Variants in ATOH8 observed in about 807,000 individuals in gnomAD.
ATOH8 encodes transcription factor ATOH8.
A neutral mutation model predicts 21.2 loss-of-function variants in ATOH8; 9 were observed. The observed-to-expected ratio is 0.42, with a 90% CI of 0.26 to 0.74. The LOEUF (loss-of-function observed/expected upper bound fraction) is 0.74, where lower values mean the gene tolerates loss of function less well. ATOH8 is among the 30% of genes least tolerant of loss of function. The pLI, the probability that ATOH8 is intolerant of heterozygous loss-of-function variation, is 0.24. For missense variants in ATOH8, 524 were observed against 470.9 expected, an observed-to-expected ratio of 1.11 and a Z score of -1.04; for synonymous variants, 253 against 224.0, an observed-to-expected ratio of 1.13 and a Z score of -1.16.
At chr2:85,758,481 G>C (rs1679778443) in intron 1 of ATOH8, among the ~76,000 whole-genome samples, 1 of 152,218 alleles carries the variant, frequency 6.6e-6, no homozygotes, top group Non-Finnish European at 1.5e-5. Flanking sequence ...TGCCGCTGTT[G>C]CTGCGGAGCT....
chr2:85,758,446 T>C (rs1258687571), intron 1 of ATOH8, among the ~76,000 whole-genome samples: 1 of 152,224 alleles, frequency 6.6e-6, no homozygotes, highest in Admixed American at 6.5e-5. Flanking sequence ...CGTGGTCATG[T>C]ACAGTGGCAG....
At chr2:85,779,732 C>G (rs1680432719) in intron 2 of ATOH8, among the ~76,000 whole-genome samples, 1 of 152,244 alleles carries the variant, frequency 6.6e-6, no homozygotes, top group African/African-American at 2.4e-5. Flanking sequence ...GGTCACCACT[C>G]AGGCCTCCAT....
intron 1 of ATOH8, among the ~76,000 whole-genome samples, chr2:85,757,757 A>G (rs375312501): frequency 7.3e-5 from 11 of 151,590 alleles, no homozygotes; most frequent in East Asian, 3.9e-4. Context: ...TAGGAGGCCT[A>G]TAAGAGCAGT....
intron 2 of ATOH8, among the ~76,000 whole-genome samples, chr2:85,769,061 G>A (rs1680104038): frequency 6.6e-6 from 1 of 152,252 alleles, no homozygotes; most frequent in Non-Finnish European, 1.5e-5. Flanking sequence ...AGGAGGAGGG[G>A]AAAGAGGAAG....
intron 2 of ATOH8, among the ~76,000 whole-genome samples, chr2:85,783,120 A>G (rs869778): frequency 0.19 from 28,947 of 152,162 alleles, 4,171 homozygotes; most frequent in African/African-American, 0.41. Context: ...AACAGATAAA[A>G]AGATGATTTC....
At chr2:85,779,691 G>A (rs919123668) in intron 2 of ATOH8, among the ~76,000 whole-genome samples, 1 of 152,234 alleles carries the variant, frequency 6.6e-6, no homozygotes, top group Non-Finnish European at 1.5e-5. Flanking sequence ...TTGCCCTGCT[G>A]CATCCTAGCA....
intron 2 of ATOH8, among the ~76,000 whole-genome samples, chr2:85,767,776 C>A (rs1680063389): frequency 6.6e-6 from 1 of 152,138 alleles, no homozygotes; most frequent in African/African-American, 2.4e-5. Flanking sequence ...GCTTCTAACA[C>A]AAATTTCTAG....
intron 2 of ATOH8, chr2:85,773,083 C>T (rs949566924): frequency 9.6e-5 from 34 of 354,030 alleles, no homozygotes; most frequent in East Asian, 2.2e-4. Context: ...GTCATTCCGC[C>T]GTCACCCTGA....
intron 1 of ATOH8, among the ~76,000 whole-genome samples, chr2:85,756,546 A>G (rs1202922032): frequency 6.6e-6 from 1 of 152,084 alleles, no homozygotes. Flanking sequence ...GTGCTCCTCT[A>G]TTGCCTCTGT....
Position 85,766,589 on chromosome 2 carries a change from A to G in ATOH8, c.960+2407A>G, listed in dbSNP as rs550236699. ...GGTGTTCATAATTCCAGCCCTTCCC[A>G]TACCAGCCCCTTCCATAGTTTTATC... On this transcript the variant is annotated intron_variant, in intron 2 of 2. Transcript: ENST00000306279. This position sits in a 1 kb window ranked among gnomAD's most constrained non-coding sequence, Gnocchi z 4.0. Among the ~76,000 whole-genome samples the G allele has an allele frequency of 4.6e-4, 70 of 152,154 alleles. No homozygotes were observed. Among genetic ancestry groups the G allele is most frequent in the African/African-American group, 1.6e-3 (65 of 41,520 alleles).
chr2:85,771,947 T>C (rs72838685), intron 2 of ATOH8, among the ~76,000 whole-genome samples: 9,039 of 152,338 alleles, frequency 0.059, 383 homozygotes, highest in Non-Finnish European at 0.087. Context: ...CAACCTGTTT[T>C]ATCTCTTTGG....
intron 2 of ATOH8, chr2:85,774,617 G>A (rs1305838418): frequency 3.0e-6 from 3 of 985,454 alleles, no homozygotes; most frequent in East Asian, 2.3e-4. Flanking sequence ...AGCCCCTCCT[G>A]GCTGCTCTGC....
intron 2 of ATOH8, among the ~76,000 whole-genome samples, chr2:85,770,820 TC>T (rs1196861658): frequency 1.3e-5 from 2 of 151,972 alleles, no homozygotes; most frequent in African/African-American, 4.8e-5. Flanking sequence ...TCCAAATTGC[TC>T]CCCACCCTCA....
At chr2:85,767,578 TC>T (rs1680051932) in intron 2 of ATOH8, among the ~76,000 whole-genome samples, 1 of 90,098 alleles carries the variant, frequency 1.1e-5, no homozygotes, top group African/African-American at 4.5e-5. Context: ...TCCCCTCCCC[TC>T]TCCTTCCCTT....
chr2:85,775,162 C>T (rs182820037), intron 2 of ATOH8: 353 of 939,542 alleles, frequency 3.8e-4, no homozygotes, highest in Middle Eastern at 1.6e-3. Context: ...TATTACATCC[C>T]ATGACACTAT....
At chr2:85,771,629 C>T (rs1256579667) in intron 2 of ATOH8, among the ~76,000 whole-genome samples, 1 of 152,208 alleles carries the variant, frequency 6.6e-6, no homozygotes, top group Admixed American at 6.5e-5. Flanking sequence ...GTGCAGCCTG[C>T]AGCCCATCCA....
chr2:85,771,159 C>T (rs1242307287), intron 2 of ATOH8, among the ~76,000 whole-genome samples: 1 of 152,186 alleles, frequency 6.6e-6, no homozygotes, highest in Non-Finnish European at 1.5e-5. Flanking sequence ...ATTTAAGGCA[C>T]AGGAACGCAC....
rs1680636314 is a variant in ATOH8 at position 85,786,962 on chromosome 2, CG to C, written c.*73del. 1 of 1,605,770 alleles carries C rather than the reference CG, an allele frequency of 6.2e-7. No individual in the cohort carries two copies. The highest frequency in any genetic ancestry group is 1.3e-5 in the African/African-American group (1 of 74,870). On this transcript the variant is annotated 3_prime_UTR_variant, in exon 3 of 3. Transcript: ENST00000306279. ...GTCAGGCCTGAGGACAAGGTGAGCTCGCTGAGTCCAGCCTCGTGGTCTTCTC... is the reference window on the plus strand; with the variant it reads ...GTCAGGCCTGAGGACAAGGTGAGCTCCTGAGTCCAGCCTCGTGGTCTTCTC...
intron 1 of ATOH8, among the ~76,000 whole-genome samples, chr2:85,756,831 C>A (rs996996613): frequency 6.6e-6 from 1 of 150,378 alleles, no homozygotes; most frequent in Non-Finnish European, 1.5e-5. Flanking sequence ...TCATGTGCCA[C>A]CCCCCCAGCC....
Sources: allele counts gnomAD v4.1 joint callset (sites outside exome capture counted in the v4.1 genomes callset), GRCh38; gene constraint gnomAD v4.1.1; non-coding constraint Gnocchi (gnomAD v3.1); transcripts MANE v1.5; gene names NCBI Gene and HGNC (gene_info 2026-07-23, HGNC 2026-07-21).